Variants in AVL9 observed in about 807,000 individuals in gnomAD.
AVL9 encodes AVL9 cell migration associated, also known as late secretory pathway protein AVL9 homolog.
AVL9 carries 49 observed loss-of-function variants against 79.2 expected under a neutral mutation model. That is an observed-to-expected ratio of 0.62 (90% CI 0.49 to 0.79). The LOEUF (loss-of-function observed/expected upper bound fraction) is 0.79. AVL9 is among the 30% of genes least tolerant of loss of function. AVL9 has a pLI of 0.00. For missense variants in AVL9, 682 were observed against 776.8 expected, an observed-to-expected ratio of 0.88 and a Z score of 1.45; for synonymous variants, 299 against 280.6, an observed-to-expected ratio of 1.07 and a Z score of -0.65.
intron 1 of AVL9, among the ~76,000 whole-genome samples, chr7:32,517,359 G>A (rs746708548): frequency 3.3e-5 from 5 of 149,788 alleles, no homozygotes; most frequent in African/African-American, 1.2e-4. Flanking sequence ...AGGCTAGAGC[G>A]CAGTGGCATG....
At chr7:32,506,434 G>C (rs1583486566) in intron 1 of AVL9, among the ~76,000 whole-genome samples, 1 of 152,152 alleles carries the variant, frequency 6.6e-6, no homozygotes, top group African/African-American at 2.4e-5. Flanking sequence ...AGGGTAGCCT[G>C]TACAGCGAGG....
intron 15 of AVL9, 90 bp downstream of exon 15, chr7:32,580,980 T>G: frequency 9.6e-7 from 1 of 1,045,710 alleles, no homozygotes. Context: ...AAACATAAAG[T>G]TGTAAAGATC....
intron 1 of AVL9, among the ~76,000 whole-genome samples, chr7:32,521,220 G>A (rs1333518692): frequency 1.3e-5 from 2 of 152,200 alleles, no homozygotes; most frequent in African/African-American, 4.8e-5. Flanking sequence ...AAATGTGGAA[G>A]CGACTTTGGA....
rs1335055986 is a variant in AVL9 at position 32,551,364 on chromosome 7, C to T, written c.403C>T (p.Gln135Ter). Residue 135 changes from glutamine (Q) to a stop codon, truncating the protein, a stop_gained, in exon 5 of 16, where the codon CAA (glutamine) becomes TAA (stop). Transcript: ENST00000318709. LOFTEE classifies it high-confidence loss of function. ...PLYGLLQAKL[Q>*]LITHAYFEEK... Reference sequence around the variant, plus strand: ...GTATGGTTTACTTCAAGCAAAACTTCAACTCATTACACATGCATATTTTGA... The same window carrying T: ...GTATGGTTTACTTCAAGCAAAACTTTAACTCATTACACATGCATATTTTGA... 6.2e-7 allele frequency: 1 copy of T among 1,611,190 alleles called. No homozygotes were observed. Among genetic ancestry groups the T allele is most frequent in the Non-Finnish European group, 8.5e-7 (1 of 1,178,084 alleles).
chr7:32,511,956 C>A (rs1303370917), intron 1 of AVL9, among the ~76,000 whole-genome samples: 1 of 152,206 alleles, frequency 6.6e-6, no homozygotes, highest in Non-Finnish European at 1.5e-5. Context: ...CTGAGACCGA[C>A]TCCAGCATTT....
At chr7:32,521,397 G>A (rs961342487) in intron 1 of AVL9, among the ~76,000 whole-genome samples, 2 of 152,168 alleles carry the variant, frequency 1.3e-5, no homozygotes, top group Non-Finnish European at 2.9e-5. Flanking sequence ...ATTGAGATGA[G>A]GAACTTGTTG....
intron 12 of AVL9, among the ~76,000 whole-genome samples, chr7:32,574,896 A>G (rs1791018504): frequency 6.6e-6 from 1 of 152,136 alleles, no homozygotes; most frequent in African/African-American, 2.4e-5. Context: ...TTCCTTTCCT[A>G]GCAACAAAAG....
Position 32,585,269 on chromosome 7 carries a change from T to G in AVL9, c.*1362T>G, listed in dbSNP as rs934280419. 1.3e-5 allele frequency: 2 copies of G among 152,198 alleles called. No homozygotes were observed. Among genetic ancestry groups the G allele is most frequent in the Admixed American group, 1.3e-4 (2 of 15,280 alleles). 9.4% of individuals were successfully genotyped at this position (152,198 alleles called of 1,614,324 possible). ...GTAAGTATTAAATAGAAATCTCATC[T>G]TAGTTTATATTCAGCAAAGTAAGAG... On this transcript the variant is annotated 3_prime_UTR_variant, in exon 16 of 16. Coordinates refer to ENST00000318709, the MANE Select transcript of AVL9 (RefSeq NM_015060.3).
intron 1 of AVL9, among the ~76,000 whole-genome samples, chr7:32,502,010 T>C (rs1787148480): frequency 6.6e-6 from 1 of 152,108 alleles, no homozygotes; most frequent in Admixed American, 6.6e-5. Context: ...TAAGCTGATA[T>C]TTTTGGCAGT....
Position 32,578,689 on chromosome 7 carries a change from C to T in AVL9, c.1689-1530C>T, listed in dbSNP as rs185670337. The stretch of plus-strand genomic sequence containing the variant: ...CCGGGTGTGGTGGTACATGCCTGTA[C>T]TCCCAGCTACTCAGGAGGCTGAGGC... On this transcript the variant is annotated intron_variant, in intron 13 of 15. Coordinates refer to ENST00000318709, the MANE Select transcript of AVL9 (RefSeq NM_015060.3). Among the ~76,000 whole-genome samples, 873 of 152,012 alleles carry T rather than the reference C, an allele frequency of 5.7e-3. 10 individuals carry two copies. Among genetic ancestry groups the T allele is most frequent in the African/African-American group, 0.02 (815 of 41,466 alleles).
At chr7:32,583,699 T>C in intron 15 of AVL9, 93 bp from the exon 16 acceptor site, 1 of 803,934 alleles carries the variant, frequency 1.2e-6, no homozygotes, top group South Asian at 2.0e-5. Context: ...TTTTTAAATT[T>C]TTAATTAAAA....
intron 8 of AVL9, among the ~76,000 whole-genome samples, chr7:32,558,079 C>T (rs1220699625): frequency 6.6e-6 from 1 of 150,980 alleles, no homozygotes; most frequent in African/African-American, 2.4e-5. Flanking sequence ...TGGTCTCGAT[C>T]TCCTGACCTC....
intron 10 of AVL9, among the ~76,000 whole-genome samples, chr7:32,564,234 T>C (rs965455752): frequency 1.3e-5 from 2 of 152,258 alleles, no homozygotes; most frequent in African/African-American, 4.8e-5. Flanking sequence ...CGTGATGGGC[T>C]TACTAACATC....
intron 10 of AVL9, among the ~76,000 whole-genome samples, chr7:32,560,957 CT>C (rs973161453): frequency 6.6e-6 from 1 of 152,120 alleles, no homozygotes; most frequent in African/African-American, 2.4e-5. Flanking sequence ...TGAAAGGAAT[CT>C]TTTTTTATTT....
intron 1 of AVL9, among the ~76,000 whole-genome samples, chr7:32,497,653 C>CTTTTT (rs59504023): frequency 1.4e-4 from 16 of 117,102 alleles, no homozygotes; most frequent in East Asian, 2.7e-4. Context: ...ACCATTAGTT[C>CTTTTT]TTTTTTTTTT....
chr7:32,575,089 T>G (rs1236218897), intron 12 of AVL9, among the ~76,000 whole-genome samples: 1 of 149,350 alleles, frequency 6.7e-6, no homozygotes, highest in Admixed American at 6.7e-5. Context: ...TTTAAGACTT[T>G]TTTTGTTTTG....
At position 32,562,660 on chromosome 7, in the gene AVL9, C is replaced by T. The variant is rs563574225; in HGVS notation, c.1215+3196C>T. The T allele has an allele frequency of 1.2e-5, 12 of 981,546 alleles. No homozygotes were observed. In the East Asian group the frequency reaches 1.3e-3, roughly 102 times the overall value. 60.8% of individuals were successfully genotyped at this position (981,546 alleles called of 1,614,324 possible). A position where few individuals can be genotyped will look rare whatever the true frequency, so the allele number is the denominator to read the frequency against. On this transcript the variant is annotated intron_variant, in intron 10 of 15. Transcript: ENST00000318709. ...CTGGACTGGACATAGCATCTCACAC[C>T]TGTAATCCCAGCACTTTGGGAGGCC...
intron 1 of AVL9, among the ~76,000 whole-genome samples, chr7:32,500,689 A>C (rs1020326100): frequency 6.6e-6 from 1 of 152,060 alleles, no homozygotes; most frequent in African/African-American, 2.4e-5. Flanking sequence ...TGCCATGCCT[A>C]TATCCTGAAT....
chr7:32,505,169 C>A (rs905273444), intron 1 of AVL9, among the ~76,000 whole-genome samples: 1 of 151,496 alleles, frequency 6.6e-6, no homozygotes, highest in East Asian at 1.9e-4. Flanking sequence ...TCACTGCACC[C>A]GGCCTGATCT....
Sources: gnomAD v4.1 joint callset for allele counts (sites outside exome capture counted in the v4.1 genomes callset) on GRCh38, gnomAD v4.1.1 for gene constraint, MANE v1.5 for transcripts, NCBI Gene and HGNC (gene_info 2026-07-23, HGNC 2026-07-21) for gene names.